Variants in IRX1 observed in about 807,000 individuals in gnomAD.
IRX1 encodes the protein iroquois-class homeodomain protein IRX-1.
A neutral mutation model predicts 34.1 loss-of-function variants in IRX1; 22 were observed. The observed-to-expected ratio is 0.64, with a 90% CI of 0.46 to 0.92. IRX1 has a LOEUF of 0.92. Among genes scored for constraint, IRX1 ranks in the 40% least tolerant of loss-of-function variants. The pLI, the probability that IRX1 is intolerant of heterozygous loss-of-function variation, is 0.00. For missense variants in IRX1, 758 were observed against 680.0 expected (o/e 1.11, Z -1.28); for synonymous variants, 363 against 319.0 (o/e 1.14, Z -1.47).
intron 2 of IRX1, 83 bp from the exon 3 acceptor site, chr5:3,600,526 C>G: frequency 7.7e-7 from 1 of 1,297,570 alleles, no homozygotes; most frequent in Non-Finnish European, 1.1e-6. Context: ...CCTGGGCAGC[C>G]GGCAGAAGTT....
At chr5:3,600,889 C>T (rs1580013267) in intron 3 of IRX1, 94 bp from the exon 4 acceptor site, 5 of 1,373,892 alleles carry the variant, frequency 3.6e-6, no homozygotes, top group South Asian at 1.2e-5. Flanking sequence ...CGACCCCGCC[C>T]CCAGGGCTCC....
intron 1 of IRX1, among the ~76,000 whole-genome samples, chr5:3,597,716 A>G (rs2166365): frequency 0.15 from 22,958 of 152,272 alleles, 2,235 homozygotes; most frequent in Non-Finnish European, 0.22. Flanking sequence ...TTTTGGAACG[A>G]TTGGGCAAAA....
At chr5:3,597,344 G>A (rs1392188803) in intron 1 of IRX1, among the ~76,000 whole-genome samples, 1 of 152,156 alleles carries the variant, frequency 6.6e-6, no homozygotes, top group African/African-American at 2.4e-5. Flanking sequence ...GGCGGGCGCG[G>A]GGCCCTGGGA....
rs1362040727 is a variant in IRX1 at position 3,599,092 on chromosome 5, G to C, written c.277-133G>C. 2 of 897,994 alleles carry C rather than the reference G, an allele frequency of 2.2e-6. No individual in the cohort carries two copies. Among genetic ancestry groups the C allele is most frequent in the African/African-American group, 3.4e-5 (2 of 59,386 alleles). 55.6% of individuals were successfully genotyped at this position (897,994 alleles called of 1,614,324 possible). A position where few individuals can be genotyped will look rare whatever the true frequency, so the allele number is the denominator to read the frequency against. ...ACAGGAGAGCCCCGCAAAGCGCCTGGGAGGCCCTCGAGTCCATTGAAGCGG... is the reference window on the plus strand; with the variant it reads ...ACAGGAGAGCCCCGCAAAGCGCCTGCGAGGCCCTCGAGTCCATTGAAGCGG... On this transcript the variant is annotated intron_variant, in intron 1 of 3. Coordinates refer to ENST00000302006, the MANE Select transcript of IRX1 (RefSeq NM_024337.4). This position sits in a 1 kb window ranked among gnomAD's most constrained non-coding sequence, Gnocchi z 6.6.
chr5:3,596,686 AG>A (rs542991482), intron 1 of IRX1, among the ~76,000 whole-genome samples: 66 of 152,144 alleles, frequency 4.3e-4, no homozygotes, highest in African/African-American at 1.5e-3. Context: ...CCCGCGCTGG[AG>A]GTCGGGGGCA....
intron 1 of IRX1, among the ~76,000 whole-genome samples, chr5:3,597,738 C>T (rs764626139): frequency 3.3e-5 from 5 of 152,212 alleles, no homozygotes; most frequent in African/African-American, 7.2e-5. Context: ...CGAAATCTAG[C>T]CGCAGAAATG....
chr5:3,596,494 T>C (rs1743700328), intron 1 of IRX1, 113 bp downstream of exon 1: 11 of 1,099,836 alleles, frequency 1.0e-5, no homozygotes, highest in Non-Finnish European at 1.3e-5. Flanking sequence ...GAAGAGGAAC[T>C]AGAAAGGTCC....
At position 3,597,096 on chromosome 5, in the gene IRX1, A is replaced by G. The variant is rs566977207; in HGVS notation, c.276+715A>G. Among the ~76,000 whole-genome samples the G allele has an allele frequency of 1.7e-3, 261 of 152,346 alleles. 1 individual carries two copies. Among genetic ancestry groups the G allele is most frequent in the African/African-American group, 5.7e-3 (236 of 41,590 alleles). On this transcript the variant is annotated intron_variant, in intron 1 of 3. Coordinates refer to ENST00000302006, the MANE Select transcript of IRX1 (RefSeq NM_024337.4). ...GTTTTCATTTCATTTGCACAGAAAGAAAAGCACTTTTCTTCCTGCGTTACA... is the reference window on the plus strand; with the variant it reads ...GTTTTCATTTCATTTGCACAGAAAGGAAAGCACTTTTCTTCCTGCGTTACA...
Position 3,601,071 on chromosome 5 carries a change from G to A in IRX1, c.*31G>A. The stretch of plus-strand genomic sequence containing the variant: ...GGTCTTCTTTTACTTTTGCGGGGGG[G>A]AGGGGGGAGGAGTTGGGGAGGGAGG... On this transcript the variant is annotated 3_prime_UTR_variant, in exon 4 of 4. Transcript: ENST00000302006. 6.5e-7 allele frequency: 1 copy of A among 1,534,926 alleles called. No homozygotes were observed. The highest frequency in any genetic ancestry group is 9.0e-7 in the Non-Finnish European group (1 of 1,111,056).
Position 3,601,120 on chromosome 5 carries a change from A to G in IRX1, c.*80A>G. ...GGGAATGTGGGAGGAATTAAGACAA[A>G]TATTTCAGACTGGTGTAAAGGACAA... On this transcript the variant is annotated 3_prime_UTR_variant, in exon 4 of 4. Coordinates refer to ENST00000302006, the MANE Select transcript of IRX1 (RefSeq NM_024337.4). 7.8e-7 allele frequency: 1 copy of G among 1,280,172 alleles called. No homozygotes were observed. The highest frequency in any genetic ancestry group is 1.1e-6 in the Non-Finnish European group (1 of 886,550). 79.3% of individuals were successfully genotyped at this position (1,280,172 alleles called of 1,614,324 possible).
chr5:3,599,267 G>A lies in IRX1; in HGVS notation c.319G>A (p.Ala107Thr), dbSNP rs529975639. 6.8e-6 allele frequency: 11 copies of A among 1,613,648 alleles called. No homozygotes were observed. The African/African-American group carries it at 1.2e-4, about 18-fold the overall frequency. The stretch of plus-strand genomic sequence containing the variant: ...GAAGGACAACCCTGGGGTGCACCCC[G>A]CCACCTTCGCAGCCCACACGGCGCC... ...ELKDNPGVHP[A>T]TFAAHTAPAY... Residue 107 changes from alanine to threonine, a missense_variant, in exon 2 of 4, where the codon GCC becomes ACC. By Grantham distance (58) the Ala-to-Thr change is moderately conservative (BLOSUM62 0). Coordinates refer to ENST00000302006, the MANE Select transcript of IRX1 (RefSeq NM_024337.4). This position sits in a 1 kb window ranked among gnomAD's most constrained non-coding sequence, Gnocchi z 6.6.
Position 3,599,694 on chromosome 5 carries a change from C to T in IRX1, c.746C>T (p.Ala249Val). The change falls in exon 2 of 4, where the codon GCC becomes GTC. Residue 249 changes from alanine to valine, a missense_variant. Ala to Val is a moderately conservative substitution (Grantham distance 64). Transcript: ENST00000302006. This position sits in a 1 kb window ranked among gnomAD's most constrained non-coding sequence, Gnocchi z 6.6. Reference sequence around the variant, plus strand: ...AGCAACGAGGATGACGAGGACAAGGCCGAGGCTCCGCACGCGCCCGCAGCC... The same window carrying T: ...AGCAACGAGGATGACGAGGACAAGGTCGAGGCTCCGCACGCGCCCGCAGCC... ...DQSNEDDEDK[A>V]EAPHAPAAPS... 1 of 1,613,236 alleles carries T rather than the reference C, an allele frequency of 6.2e-7. No individual in the cohort carries two copies. Among genetic ancestry groups the T allele is most frequent in the Non-Finnish European group, 8.5e-7 (1 of 1,180,016 alleles).
In IRX1 at chr5:3,600,999, G is replaced by C; in HGVS notation, c.1402G>C (p.Glu468Gln). The change falls in exon 4 of 4, where the codon GAG (glutamate) becomes CAG (glutamine). Residue 468 changes from glutamate (E) to glutamine (Q), a missense_variant. Physicochemically the swap from Glu to Gln is conservative, Grantham distance 29. Around this residue, in one of 3 missense-constraint regions of IRX1, gnomAD observed 529 missense variants for 418.8 expected, o/e 1.26. Transcript: ENST00000302006. ...PVRDNSLAPQEGTPRILAALP... is the reference protein window; with the variant it reads ...PVRDNSLAPQQGTPRILAALP... Reference sequence around the variant, plus strand: ...CCCATGCAGCTCTCTGGCCCCGCAGGAGGGAACGCCGCGGATCCTAGCAGC... The same window carrying C: ...CCCATGCAGCTCTCTGGCCCCGCAGCAGGGAACGCCGCGGATCCTAGCAGC... 1 of 1,610,094 alleles carries C rather than the reference G, an allele frequency of 6.2e-7. No individual in the cohort carries two copies.
At chr5:3,600,960 G>A (rs1733950480) in intron 3 of IRX1, 23 bp from the exon 4 acceptor site, 2 of 1,612,832 alleles carry the variant, frequency 1.2e-6, no homozygotes, top group East Asian at 2.2e-5. Context: ...CTGTCTTCTT[G>A]TCTCGCTGTG....
chr5:3,600,834 C>T, intron 3 of IRX1, 149 bp from the exon 4 acceptor site: 1 of 1,143,500 alleles, frequency 8.7e-7, no homozygotes, highest in African/African-American at 1.5e-5. Context: ...CCGGGCGAGC[C>T]GAGGAGACTG....
chr5:3,596,427 C>A, intron 1 of IRX1, 46 bp downstream of exon 1: 1 of 1,424,788 alleles, frequency 7.0e-7, no homozygotes. Flanking sequence ...CTCACCCGCG[C>A]CAGGGCAAGG....
intron 3 of IRX1, 45 bp downstream of exon 3, chr5:3,600,726 G>A (rs762969584): frequency 2.6e-6 from 4 of 1,555,320 alleles, no homozygotes; most frequent in African/African-American, 1.4e-5. Context: ...GGTGGGGAGG[G>A]GGGAGGAGGA....
In IRX1 at chr5:3,600,188, C is replaced by T; in HGVS notation, c.1240C>T (p.Pro414Ser). 6.2e-7 allele frequency: 1 copy of T among 1,612,250 alleles called. No homozygotes were observed. The highest frequency in any genetic ancestry group is 8.5e-7 in the Non-Finnish European group (1 of 1,179,688). ...PHLPAPPPPQ[P>S]PVAIAPGALN... ...CCTTCCTGCACCTCCACCACCGCAG[C>T]CGCCGGTCGCTATTGCCCCGGGGGC... is the stretch of plus-strand genomic sequence containing the variant. Residue 414 changes from proline (P) to serine (S), a missense_variant, in exon 2 of 4, where the codon CCG becomes TCG. Physicochemically the swap from Pro to Ser is moderately conservative, Grantham distance 74. Transcript: ENST00000302006.
intron 3 of IRX1, 39 bp downstream of exon 3, chr5:3,600,720 G>GGGT: frequency 6.4e-7 from 1 of 1,573,674 alleles, no homozygotes; most frequent in Non-Finnish European, 8.7e-7. Context: ...GAAGGCGGTG[G>GGGT]GGAGGGGGGA....
Sources: allele counts gnomAD v4.1 joint callset (sites outside exome capture counted in the v4.1 genomes callset), GRCh38; gene constraint gnomAD v4.1.1; regional missense constraint gnomAD v4.1.1; non-coding constraint Gnocchi (gnomAD v3.1); transcripts MANE v1.5; gene names NCBI Gene and HGNC (gene_info 2026-07-23, HGNC 2026-07-21).